Variants in LINGO2 observed in about 807,000 individuals in gnomAD.
The protein encoded by LINGO2 is leucine-rich repeat and immunoglobulin-like domain-containing nogo receptor-interacting protein 2.
Under a neutral mutation model 30.6 loss-of-function variants are expected in LINGO2, and 14 were observed. The ratio of observed to expected loss-of-function variants is 0.46; its 90% confidence interval spans 0.30 to 0.72. The LOEUF is 0.72. LINGO2 is among the 30% of genes least tolerant of loss of function. The probability of loss-of-function intolerance (pLI) is 0.07; values close to 1 mark genes in which losing one functional copy is unlikely to be tolerated. For synonymous variants in LINGO2, 317 were observed against 288.5 expected (o/e 1.10, Z -1.00); for missense variants, 729 against 751.7 (o/e 0.97, Z 0.35).
chr9:28,392,765 T>C (rs1314909306), intron 2 of LINGO2, among the ~76,000 whole-genome samples: 1 of 152,146 alleles, frequency 6.6e-6, no homozygotes, highest in East Asian at 1.9e-4. Flanking sequence ...TAAACTCAGG[T>C]GTACTCTTAA....
At chr9:28,818,819 G>C in the LINGO2 span, among the ~76,000 whole-genome samples, 950 of 152,130 alleles carry the variant, frequency 6.2e-3, 9 homozygotes, top group African/African-American at 0.022. Flanking sequence ...TAAAAAGATA[G>C]AGCTCTCACA....
chr9:29,069,902 A>G, the LINGO2 span, among the ~76,000 whole-genome samples: 66,078 of 151,860 alleles, frequency 0.44, 14,671 homozygotes, highest in East Asian at 0.54. Context: ...ATAACAGGAT[A>G]TACAGCACAG....
chr9:27,949,074 G>C, exon 6 of LINGO2: 1 of 1,614,202 alleles, frequency 6.2e-7, no homozygotes, highest in South Asian at 1.1e-5. Context: ...CAGGGAAAAA[G>C]TATTGGCATT....
intron 1 of LINGO2, among the ~76,000 whole-genome samples, chr9:28,639,250 A>G (rs1225721384): frequency 6.6e-6 from 1 of 152,084 alleles, no homozygotes; most frequent in Non-Finnish European, 1.5e-5. Context: ...CTATGTGGTC[A>G]ATTTTGGAAT....
At chr9:28,003,058 AATT>A (rs1385594410) in intron 5 of LINGO2, among the ~76,000 whole-genome samples, 1 of 152,188 alleles carries the variant, frequency 6.6e-6, no homozygotes, top group Non-Finnish European at 1.5e-5. Context: ...AATGAATATG[AATT>A]ATTATAAAAT....
In LINGO2 at chr9:28,148,615, T is replaced by A; in HGVS notation, c.-86-136210A>T. On this transcript the variant is annotated intron_variant, in intron 4 of 5. Coordinates refer to ENST00000379992, the Ensembl canonical transcript of LINGO2. The surrounding 1 kb of genome is among the most constrained non-coding windows in gnomAD (Gnocchi z 5.1). ...ACAATCCCAGGCCCTTGGAGGGAAA[T>A]GTCCACCTCAAGAGCTTGACAGAAA... is the stretch of plus-strand genomic sequence containing the variant. The A allele has an allele frequency of 6.6e-7, 1 of 1,519,488 alleles. No individual in the cohort carries two copies. Among genetic ancestry groups the A allele is most frequent in the Non-Finnish European group, 8.8e-7 (1 of 1,133,096 alleles). The allele number at this position is 1,519,488 out of a possible 1,614,324, so 94.1% of individuals were successfully genotyped here. A position where few individuals can be genotyped will look rare whatever the true frequency, so the allele number is the denominator to read the frequency against.
chr9:28,030,428 G>A (rs979413428), intron 4 of LINGO2, among the ~76,000 whole-genome samples: 19 of 152,262 alleles, frequency 1.2e-4, no homozygotes, highest in Admixed American at 1.1e-3. Context: ...CTCAGAAGAA[G>A]TCTTACAAAA....
intron 3 of LINGO2, among the ~76,000 whole-genome samples, chr9:28,306,835 T>G (rs1824381171): frequency 6.6e-6 from 1 of 152,120 alleles, no homozygotes; most frequent in Non-Finnish European, 1.5e-5. Flanking sequence ...GTAGAAGAAA[T>G]GGATAAATTC....
At chr9:28,655,275 T>G (rs1030311966) in intron 1 of LINGO2, among the ~76,000 whole-genome samples, 2 of 151,960 alleles carry the variant, frequency 1.3e-5, no homozygotes, top group African/African-American at 4.8e-5. Flanking sequence ...GCATGGCACC[T>G]GTAGCCCCTT....
rs528383127 is a variant in LINGO2, at chr9:28,581,535, T to C, written c.-365+88665A>G. Among the ~76,000 whole-genome samples, 215 of 151,544 alleles carry C rather than the reference T, an allele frequency of 1.4e-3. 1 individual carries two copies. Among genetic ancestry groups the C allele is most frequent in the African/African-American group, 5.1e-3 (211 of 41,418 alleles). On this transcript the variant is annotated intron_variant, in intron 1 of 5. Coordinates refer to ENST00000379992, the Ensembl canonical transcript of LINGO2. ...TTGTGATATATATATAGAATATATA[T>C]ATAGAAAGCAACATACAGATAAGTC...
intron 5 of LINGO2, among the ~76,000 whole-genome samples, chr9:27,960,449 A>G (rs779644653): frequency 4.6e-5 from 7 of 152,144 alleles, no homozygotes; most frequent in Non-Finnish European, 1.0e-4. Flanking sequence ...CCTATCTTGC[A>G]GCTATAATTT....
chr9:29,138,683 G>A, the LINGO2 span, among the ~76,000 whole-genome samples: 1 of 152,268 alleles, frequency 6.6e-6, no homozygotes, highest in East Asian at 1.9e-4. Flanking sequence ...GTAGCCCTAT[G>A]AGGCAGGCAT....
the LINGO2 span, among the ~76,000 whole-genome samples, chr9:28,952,988 T>C: frequency 6.6e-6 from 1 of 152,162 alleles, no homozygotes; most frequent in Non-Finnish European, 1.5e-5. Context: ...ATGTCTGGCA[T>C]TGGCATAGAA....
chr9:28,560,260 TAAGATTAC>T (rs1219430277), intron 1 of LINGO2, among the ~76,000 whole-genome samples: 3 of 152,078 alleles, frequency 2.0e-5, no homozygotes, highest in Non-Finnish European at 4.4e-5. Flanking sequence ...TGATTTTGGG[TAAGATTAC>T]ATTTAAATCA....
At chr9:28,467,738 G>C (rs1310954959) in intron 2 of LINGO2, among the ~76,000 whole-genome samples, 2 of 152,116 alleles carry the variant, frequency 1.3e-5, no homozygotes, top group East Asian at 3.9e-4. Context: ...TCAACACAGT[G>C]CTTATTGGGG....
At chr9:29,117,386 A>G in the LINGO2 span, among the ~76,000 whole-genome samples, 1 of 152,196 alleles carries the variant, frequency 6.6e-6, no homozygotes, top group Non-Finnish European at 1.5e-5. Context: ...TCAATTTTAT[A>G]TTATCCACAT....
the LINGO2 span, among the ~76,000 whole-genome samples, chr9:28,785,686 G>GCA: frequency 1.6e-3 from 194 of 124,508 alleles, 1 homozygote; most frequent in East Asian, 0.031. Flanking sequence ...ACACACACAC[G>GCA]CACACACACA....
intron 4 of LINGO2, among the ~76,000 whole-genome samples, chr9:28,157,043 A>G (rs1828150821): frequency 1.3e-5 from 2 of 152,098 alleles, no homozygotes; most frequent in African/African-American, 4.8e-5. Context: ...GTTCTGGAGG[A>G]CAGTGGCCCT....
chr9:28,996,814 C>A, the LINGO2 span, among the ~76,000 whole-genome samples: 8 of 151,818 alleles, frequency 5.3e-5, no homozygotes, highest in African/African-American at 1.5e-4. Flanking sequence ...TTTCTAGGCA[C>A]GTAAGAAAAA....
Sources: allele counts gnomAD v4.1 joint callset (sites outside exome capture counted in the v4.1 genomes callset), GRCh38; gene constraint gnomAD v4.1.1; non-coding constraint Gnocchi (gnomAD v3.1); transcripts MANE v1.5; gene names NCBI Gene and HGNC (gene_info 2026-07-23, HGNC 2026-07-21).